Variants in TSNARE1 observed in about 807,000 individuals in gnomAD.
TSNARE1 encodes the protein t-SNARE domain-containing protein 1.
Under a neutral mutation model 62.0 loss-of-function variants are expected in TSNARE1, and 49 were observed. That is an observed-to-expected ratio of 0.79 (90% CI 0.63 to 1.00). The LOEUF is 1.00. Ranked by LOEUF, TSNARE1 falls within the 50% of genes least tolerant of loss-of-function variation. The pLI, the probability that TSNARE1 is intolerant of heterozygous loss-of-function variation, is 0.00. For missense variants in TSNARE1, 755 were observed against 700.1 expected (o/e 1.08, Z -0.88); for synonymous variants, 328 against 294.4 (o/e 1.11, Z -1.17).
At position 142,300,519 on chromosome 8, in the gene TSNARE1, G is replaced by T. The variant is rs1275387336; in HGVS notation, c.1257C>A (p.Ile419=). ...PDITEEDLEA[I]RLREEAILQM... is the part of the protein sequence containing the mutation. ...GCAGGATGGCCTCCTCCCGCAGCCG[G>T]ATGGCCTCCAGGTCCTCTTCAGTGA... Residue 419 remains isoleucine (I), a synonymous_variant, in exon 10 of 14, where the codon ATC becomes ATA. Coordinates refer to ENST00000524325, the MANE Select transcript of TSNARE1 (RefSeq NM_145003.5). The T allele has an allele frequency of 6.2e-7, 1 of 1,609,406 alleles. No individual in the cohort carries two copies. Among genetic ancestry groups the T allele is most frequent in the Admixed American group, 1.7e-5 (1 of 60,010 alleles).
intron 12 of TSNARE1, chr8:142,270,281 T>G: frequency 6.1e-6 from 6 of 985,408 alleles, no homozygotes; most frequent in Non-Finnish European, 6.0e-6. Flanking sequence ...CGCAGGGAAG[T>G]GCCCAGGCCC....
chr8:142,294,205 C>T (rs905715890), intron 10 of TSNARE1, among the ~76,000 whole-genome samples: 2 of 152,014 alleles, frequency 1.3e-5, no homozygotes, highest in African/African-American at 4.8e-5. Context: ...AGAGGTGAGA[C>T]GCAGCAAAGG....
intron 1 of TSNARE1, among the ~76,000 whole-genome samples, chr8:142,383,047 G>A (rs1277610664): frequency 1.3e-5 from 2 of 152,154 alleles, no homozygotes. Context: ...TCTGGAGAAG[G>A]GCACAGGGAC....
intron 1 of TSNARE1, among the ~76,000 whole-genome samples, chr8:142,381,617 G>A (rs954185939): frequency 2.6e-5 from 4 of 152,226 alleles, no homozygotes; most frequent in African/African-American, 9.6e-5. Flanking sequence ...GGGGTCTGGA[G>A]TGAGGCAGGA....
At chr8:142,278,154 C>T (rs921300449) in intron 11 of TSNARE1, 3 of 984,980 alleles carry the variant, frequency 3.0e-6, no homozygotes, top group Admixed American at 6.2e-5. Flanking sequence ...AGGCCTAGTG[C>T]CCAGGCCCAT....
intron 3 of TSNARE1, 140 bp from the exon 4 acceptor site, chr8:142,344,612 G>T: frequency 1.1e-6 from 1 of 921,528 alleles, no homozygotes; most frequent in Non-Finnish European, 1.5e-6. Context: ...ACCCCTCCCT[G>T]CTGGGTGTCC....
Position 142,343,953 on chromosome 8 carries a change from G to A in TSNARE1, c.745+13C>T. The A allele has an allele frequency of 6.6e-7, 1 of 1,512,228 alleles. No homozygotes were observed. The highest frequency in any genetic ancestry group is 8.8e-7 in the Non-Finnish European group (1 of 1,130,516). 93.7% of individuals were successfully genotyped at this position (1,512,228 alleles called of 1,614,324 possible). On this transcript the variant is annotated intron_variant, in intron 4 of 13. Coordinates refer to ENST00000524325, the MANE Select transcript of TSNARE1 (RefSeq NM_145003.5). Reference sequence around the variant, plus strand: ...GTGGCACCCTAGCAAGGTGAGCTGAGCAAGGAACTCACCTCTGGGCGGCTC... The same window carrying A: ...GTGGCACCCTAGCAAGGTGAGCTGAACAAGGAACTCACCTCTGGGCGGCTC...
In TSNARE1 at chr8:142,330,839, C is replaced by T. The variant is rs139408760; in HGVS notation, c.893+62G>A. The T allele has an allele frequency of 9.8e-4, 1,530 of 1,561,788 alleles. 2 individuals carry two copies. The highest frequency in any genetic ancestry group is 1.2e-3 in the Non-Finnish European group (1,415 of 1,134,568). ...CGTGTGCACAGGAGGACCACACTCC[C>T]GCCCCTGCCCCCCAATGTGCACCAC... On this transcript the variant is annotated intron_variant, in intron 6 of 13. Transcript: ENST00000524325.
At chr8:142,267,870 G>T (rs1319496662) in intron 12 of TSNARE1, among the ~76,000 whole-genome samples, 1 of 152,318 alleles carries the variant, frequency 6.6e-6, no homozygotes, top group African/African-American at 2.4e-5. Context: ...TCCCATCTGG[G>T]ATAGGTCGGC....
At chr8:142,216,626 G>A (rs1292507226) in intron 13 of TSNARE1, among the ~76,000 whole-genome samples, 4 of 152,188 alleles carry the variant, frequency 2.6e-5, no homozygotes, top group African/African-American at 4.8e-5. Context: ...GGGGCACAGG[G>A]CTCTGCCTCA....
At chr8:142,387,955 A>G (rs1837219217) in intron 1 of TSNARE1, among the ~76,000 whole-genome samples, 1 of 152,196 alleles carries the variant, frequency 6.6e-6, no homozygotes, top group Non-Finnish European at 1.5e-5. Flanking sequence ...GTACATACAA[A>G]AGAAAACTAC....
intron 6 of TSNARE1, among the ~76,000 whole-genome samples, chr8:142,328,614 G>A (rs1053647272): frequency 5.9e-5 from 9 of 152,142 alleles, no homozygotes; most frequent in African/African-American, 7.2e-5. Flanking sequence ...TCTTCTTTTC[G>A]GCATCAAGGA....
chr8:142,372,648 A>G (rs1176741675), intron 1 of TSNARE1, among the ~76,000 whole-genome samples: 1 of 152,102 alleles, frequency 6.6e-6, no homozygotes, highest in Non-Finnish European at 1.5e-5. Context: ...CCTCCATGAA[A>G]TGGTCTTAGC....
intron 6 of TSNARE1, among the ~76,000 whole-genome samples, chr8:142,323,037 G>C (rs1829712806): frequency 2.0e-5 from 3 of 151,434 alleles, no homozygotes; most frequent in Admixed American, 1.3e-4. Context: ...GGCCGGCCTG[G>C]ACATGTCTGT....
chr8:142,274,181 T>C (rs1417646934), intron 12 of TSNARE1: 2 of 985,262 alleles, frequency 2.0e-6, no homozygotes, highest in African/African-American at 1.7e-5. Flanking sequence ...CAGGCCACAA[T>C]GGGGACAGAG....
At chr8:142,379,342 G>GAGC (rs1431517856) in intron 1 of TSNARE1, among the ~76,000 whole-genome samples, 1 of 152,192 alleles carries the variant, frequency 6.6e-6, no homozygotes, top group Non-Finnish European at 1.5e-5. Context: ...CCCTCCCAGT[G>GAGC]AGCAGCAGCT....
At position 142,314,870 on chromosome 8, in the gene TSNARE1, C is replaced by T. The variant is rs765749573; in HGVS notation, c.1074+133G>A. On this transcript the variant is annotated intron_variant, in intron 8 of 13. Transcript: ENST00000524325. ...GCTGCCTAGAGACTGTCTGCAAGAACAACCCTCTTCTCTGCCTTTGGGGAT... is the reference window on the plus strand; with the variant it reads ...GCTGCCTAGAGACTGTCTGCAAGAATAACCCTCTTCTCTGCCTTTGGGGAT... 121 of 835,908 alleles carry T rather than the reference C, an allele frequency of 1.4e-4. 1 individual carries two copies. The highest frequency in any genetic ancestry group is 6.3e-4 in the South Asian group (40 of 63,302). 51.8% of individuals were successfully genotyped at this position (835,908 alleles called of 1,614,324 possible).
intron 4 of TSNARE1, among the ~76,000 whole-genome samples, chr8:142,343,597 C>T (rs1180030347): frequency 1.3e-5 from 2 of 151,514 alleles, no homozygotes; most frequent in Non-Finnish European, 1.5e-5. Flanking sequence ...CCAAGTCAAA[C>T]GCCAAGCAGG....
intron 13 of TSNARE1, among the ~76,000 whole-genome samples, chr8:142,223,462 A>G (rs1195111638): frequency 6.8e-6 from 1 of 146,192 alleles, no homozygotes; most frequent in Admixed American, 6.8e-5. Flanking sequence ...TCGCTCATTC[A>G]CTCATTCACT....
Sources: allele counts gnomAD v4.1 joint callset (sites outside exome capture counted in the v4.1 genomes callset), GRCh38; gene constraint gnomAD v4.1.1; transcripts MANE v1.5; gene names NCBI Gene and HGNC (gene_info 2026-07-23, HGNC 2026-07-21).